The following DNAH11 variants were observed in gnomAD, a reference collection of about 807,000 sequenced individuals.
The protein encoded by DNAH11 is axonemal beta dynein heavy chain 11.
In DNAH11, 442 loss-of-function variants were observed where a neutral mutation model predicts 526.0. The ratio of observed to expected loss-of-function variants is 0.84; its 90% CI spans 0.78 to 0.91. DNAH11 has a LOEUF of 0.91. Among genes scored for constraint, DNAH11 ranks in the 40% least tolerant of loss-of-function variants. The pLI is 0.00. For synonymous variants in DNAH11, 2,461 were observed against 1,935.9 expected (o/e 1.27, Z -7.12); for missense variants, 6,989 against 5,448.7 (o/e 1.28, Z -8.90).
intron 73 of DNAH11, among the ~76,000 whole-genome samples, chr7:21,869,195 G>GT (rs1433263434): frequency 6.6e-6 from 1 of 152,180 alleles, no homozygotes; most frequent in African/African-American, 2.4e-5. Context: ...CTGAGAGACT[G>GT]TCTAGCCATT....
At chr7:21,552,903 G>A (rs1418606085) in intron 2 of DNAH11, among the ~76,000 whole-genome samples, 1 of 152,100 alleles carries the variant, frequency 6.6e-6, no homozygotes, top group Non-Finnish European at 1.5e-5. Context: ...GTCTGGACAA[G>A]TTGATACATA....
chr7:21,812,587 G>A (rs570677600), intron 63 of DNAH11, among the ~76,000 whole-genome samples: 1 of 152,240 alleles, frequency 6.6e-6, no homozygotes, highest in East Asian at 1.9e-4. Context: ...TCAGGAGTTA[G>A]AGGTTACAGC....
At chr7:21,732,335 A>G (rs764775243) in intron 45 of DNAH11, among the ~76,000 whole-genome samples, 63 of 152,308 alleles carry the variant, frequency 4.1e-4, no homozygotes, top group Admixed American at 2.5e-3. Flanking sequence ...AAGGACACCT[A>G]TCAGATTGGG....
intron 30 of DNAH11, among the ~76,000 whole-genome samples, chr7:21,665,486 A>G (rs1478655416): frequency 6.6e-6 from 1 of 152,080 alleles, no homozygotes; most frequent in Non-Finnish European, 1.5e-5. Context: ...TACCTTCCCA[A>G]TATCAGTGTA....
At chr7:21,745,723 A>G (rs996249107) in intron 51 of DNAH11, among the ~76,000 whole-genome samples, 3 of 152,256 alleles carry the variant, frequency 2.0e-5, no homozygotes, top group Non-Finnish European at 4.4e-5. Flanking sequence ...AGAATAAGCA[A>G]GAAAAATATC....
intron 14 of DNAH11, among the ~76,000 whole-genome samples, chr7:21,595,687 T>C (rs1020126410): frequency 6.6e-6 from 1 of 151,286 alleles, no homozygotes; most frequent in Non-Finnish European, 1.5e-5. Context: ...AGGAGTTGAG[T>C]GGGCTATTGG....
Position 21,588,559 on chromosome 7 carries a change from A to G in DNAH11, c.1896A>G (p.Ser632=), listed in dbSNP as rs1784556309. Reference sequence around the variant, plus strand: ...TTAACAAGAACATGCCATTTACCTCAGGAAATATGAAATGGGCCCAGCAGG... The same window carrying G: ...TTAACAAGAACATGCCATTTACCTCGGGAAATATGAAATGGGCCCAGCAGG... ...VVLNKNMPFT[S]GNMKWAQQVL... Residue 632 remains serine, a synonymous_variant, in exon 11 of 82, where the codon TCA becomes TCG. Transcript: ENST00000409508. The G allele has an allele frequency of 6.2e-7, 1 of 1,613,602 alleles. No individual in the cohort carries two copies. The highest frequency in any genetic ancestry group is 8.5e-7 in the Non-Finnish European group (1 of 1,179,532).
chr7:21,860,531 G>A (rs10276622), intron 68 of DNAH11, among the ~76,000 whole-genome samples: 65,004 of 152,058 alleles, frequency 0.43, 14,272 homozygotes, highest in African/African-American at 0.46. Flanking sequence ...TAGCCAAAAG[G>A]TGGAAGCAAC....
chr7:21,757,745 C>A (rs1786700994), intron 54 of DNAH11, among the ~76,000 whole-genome samples: 1 of 152,138 alleles, frequency 6.6e-6, no homozygotes. Flanking sequence ...GTGCAGGGAC[C>A]TGAGACTCTC....
At chr7:21,667,700 A>G (rs996718564) in intron 30 of DNAH11, among the ~76,000 whole-genome samples, 1 of 152,190 alleles carries the variant, frequency 6.6e-6, no homozygotes, top group East Asian at 1.9e-4. Context: ...AGTTTAGAGA[A>G]GGAATCAAAA....
In DNAH11 at chr7:21,774,307, G is replaced by A. The variant is rs140404729; in HGVS notation, c.9336+308G>A. 4.4e-3 allele frequency among the ~76,000 whole-genome samples: 670 copies of A among 152,262 alleles called. 6 individuals carry two copies. The highest frequency in any genetic ancestry group is 0.016 in the African/African-American group (647 of 41,550). On this transcript the variant is annotated intron_variant, in intron 56 of 81. Transcript: ENST00000409508. ...CTGACTTCTTCAGTGCACGGTACTT[G>A]TCGTCAAGGTTCTTATCATCCTAGG...
chr7:21,844,955 C>T (rs1782358308), intron 66 of DNAH11, among the ~76,000 whole-genome samples: 1 of 152,172 alleles, frequency 6.6e-6, no homozygotes, highest in Admixed American at 6.5e-5. Context: ...AGTCATCCAC[C>T]AAGTCAGAGT....
chr7:21,663,783 G>T (rs1371250435), intron 30 of DNAH11, among the ~76,000 whole-genome samples: 1 of 147,396 alleles, frequency 6.8e-6, no homozygotes, highest in African/African-American at 2.5e-5. Context: ...AGACACAATA[G>T]TATTTCATTG....
At chr7:21,682,969 A>G (rs1338903812) in intron 31 of DNAH11, among the ~76,000 whole-genome samples, 1 of 152,196 alleles carries the variant, frequency 6.6e-6, no homozygotes, top group Non-Finnish European at 1.5e-5. Context: ...TGAACTGTTT[A>G]TATCTAACTA....
intron 66 of DNAH11, among the ~76,000 whole-genome samples, chr7:21,844,566 G>A (rs546325414): frequency 2.0e-5 from 3 of 152,238 alleles, no homozygotes; most frequent in African/African-American, 7.2e-5. Context: ...TTTATTATCT[G>A]GCCCTTTCCA....
chr7:21,834,612 C>T (rs755074916), intron 65 of DNAH11, among the ~76,000 whole-genome samples: 4 of 152,130 alleles, frequency 2.6e-5, no homozygotes, highest in South Asian at 2.1e-4. Context: ...GCAGGAGCGT[C>T]GCTTGAGGAC....
chr7:21,787,297 T>G, intron 59 of DNAH11, 104 bp from the exon 60 acceptor site: 1 of 1,124,566 alleles, frequency 8.9e-7, no homozygotes, highest in Non-Finnish European at 1.2e-6. Context: ...CTTGCCAATT[T>G]TGCTTTTGTA....
chr7:21,769,225 G>A (rs1787314643), intron 55 of DNAH11, among the ~76,000 whole-genome samples: 1 of 152,198 alleles, frequency 6.6e-6, no homozygotes, highest in South Asian at 2.1e-4. Flanking sequence ...AAAGACACAA[G>A]TAGTTGTAAA....
intron 69 of DNAH11, 33 bp downstream of exon 69, chr7:21,862,056 C>G: frequency 1.3e-6 from 2 of 1,583,314 alleles, no homozygotes; most frequent in Non-Finnish European, 1.7e-6. Flanking sequence ...AAAGGATCCC[C>G]AGAACCAAAG....
Sources: gnomAD v4.1 joint callset for allele counts (sites outside exome capture counted in the v4.1 genomes callset) on GRCh38, gnomAD v4.1.1 for gene constraint, MANE v1.5 for transcripts, NCBI Gene and HGNC (gene_info 2026-07-23, HGNC 2026-07-21) for gene names.